COL19A1: variants seen among roughly 807,000 people sequenced by gnomAD.
COL19A1 encodes collagen type XIX alpha 1 chain, also known as collagen alpha-1(XIX) chain.
A neutral mutation model predicts 190.2 loss-of-function variants in COL19A1; 159 were observed. That is an observed-to-expected ratio of 0.84 (90% CI 0.73 to 0.95). The LOEUF (loss-of-function observed/expected upper bound fraction) is 0.95, where lower values mean the gene tolerates loss of function less well. Among genes scored for constraint, COL19A1 ranks in the 40% least tolerant of loss-of-function variants. COL19A1 has a pLI of 0.00. For synonymous variants in COL19A1, 509 were observed against 458.9 expected (o/e 1.11, Z -1.39); for missense variants, 1,418 against 1,431.9 (o/e 0.99, Z 0.16).
chr6:69,868,411 A>C (rs929460905), intron 1 of COL19A1, among the ~76,000 whole-genome samples: 11 of 152,094 alleles, frequency 7.2e-5, no homozygotes, highest in Admixed American at 2.6e-4. Context: ...TTGTGTAGGA[A>C]TATCTCTTCA....
chr6:70,211,830 A>G lies in COL19A1; in HGVS notation c.*4556A>G, dbSNP rs1768225276. Among the ~76,000 whole-genome samples the G allele has an allele frequency of 1.3e-5, 2 of 152,070 alleles. No individual in the cohort carries two copies. Among genetic ancestry groups the G allele is most frequent in the African/African-American group, 4.8e-5 (2 of 41,398 alleles). ...AACACAGAGAAAACTTATTCGGACA[A>G]GTAGACCCAGCACAGCAAAAATTTG... is the stretch of plus-strand genomic sequence containing the variant. On this transcript the variant is annotated 3_prime_UTR_variant, in exon 51 of 51. Coordinates refer to ENST00000620364, the MANE Select transcript of COL19A1 (RefSeq NM_001858.6).
chr6:69,967,985 T>G (rs771449695), intron 11 of COL19A1, among the ~76,000 whole-genome samples: 26 of 152,232 alleles, frequency 1.7e-4, no homozygotes, highest in Non-Finnish European at 3.1e-4. Context: ...TTATTTATAA[T>G]AAAGTCATGC....
intron 1 of COL19A1, among the ~76,000 whole-genome samples, chr6:69,871,867 T>G (rs940142771): frequency 4.9e-5 from 7 of 141,948 alleles, no homozygotes; most frequent in African/African-American, 1.9e-4. Context: ...CAGGCTGGAG[T>G]GCAGTGCTGT....
At chr6:69,951,700 A>G (rs1487133784) in intron 9 of COL19A1, among the ~76,000 whole-genome samples, 3 of 151,932 alleles carry the variant, frequency 2.0e-5, no homozygotes, top group Non-Finnish European at 1.5e-5. Flanking sequence ...GTTATATGCT[A>G]AATGCTATCA....
intron 44 of COL19A1, among the ~76,000 whole-genome samples, chr6:70,182,079 C>T (rs1766211666): frequency 6.6e-6 from 1 of 152,146 alleles, no homozygotes; most frequent in African/African-American, 2.4e-5. Context: ...GAGGATCACT[C>T]TGATATTGTG....
chr6:70,062,596 C>T (rs1780904857), intron 14 of COL19A1, among the ~76,000 whole-genome samples: 1 of 152,072 alleles, frequency 6.6e-6, no homozygotes, highest in Non-Finnish European at 1.5e-5. Context: ...AACCAGCTAA[C>T]ATCATAATGA....
At chr6:69,936,969 T>C in intron 8 of COL19A1, 59 bp downstream of exon 8, 1 of 1,583,858 alleles carries the variant, frequency 6.3e-7, no homozygotes, top group Non-Finnish European at 8.6e-7. Flanking sequence ...GCCCAGCTCC[T>C]TGAATGTGGC....
chr6:70,137,805 AC>A, intron 19 of COL19A1, 58 bp downstream of exon 19: 1 of 1,555,748 alleles, frequency 6.4e-7, no homozygotes. Context: ...GATTAAAAAT[AC>A]GTTTCCAAAT....
At chr6:70,091,719 A>G (rs1401378952) in intron 15 of COL19A1, among the ~76,000 whole-genome samples, 21 of 152,050 alleles carry the variant, frequency 1.4e-4, no homozygotes, top group Admixed American at 1.4e-3. Context: ...CTAGAGGTGA[A>G]CAGAGAAAAA....
intron 14 of COL19A1, among the ~76,000 whole-genome samples, chr6:70,051,498 T>C (rs1232031380): frequency 6.6e-6 from 1 of 152,006 alleles, no homozygotes; most frequent in Non-Finnish European, 1.5e-5. Context: ...ATTCAGTGGG[T>C]TTGCATCACA....
chr6:70,126,629 G>C (rs1785213574), intron 17 of COL19A1, among the ~76,000 whole-genome samples: 1 of 152,188 alleles, frequency 6.6e-6, no homozygotes, highest in African/African-American at 2.4e-5. Context: ...ATTTTCAAGT[G>C]AGCACAGCTT....
chr6:69,882,407 A>T (rs571230487), intron 2 of COL19A1, among the ~76,000 whole-genome samples: 31 of 152,340 alleles, frequency 2.0e-4, no homozygotes, highest in African/African-American at 7.2e-4. Context: ...TGTCAAAAGA[A>T]GGTGGGGAAG....
At chr6:69,867,271 T>A (rs1483546545) in intron 1 of COL19A1, 1 of 152,150 alleles carries the variant, frequency 6.6e-6, no homozygotes, top group Non-Finnish European at 1.5e-5. Flanking sequence ...GGGCGGGGAT[T>A]CCCGGACTCC....
intron 11 of COL19A1, among the ~76,000 whole-genome samples, chr6:70,000,023 C>T (rs1055202776): frequency 1.3e-5 from 2 of 152,118 alleles, no homozygotes; most frequent in African/African-American, 4.8e-5. Context: ...CACCCTCCAT[C>T]CCTCAACAGC....
chr6:69,940,053 A>G (rs1773373722), intron 9 of COL19A1, among the ~76,000 whole-genome samples: 1 of 151,036 alleles, frequency 6.6e-6, no homozygotes, highest in African/African-American at 2.4e-5. Context: ...TGTTGCTTTT[A>G]GGAAAAATAC....
chr6:69,887,980 C>G (rs1389095347), intron 2 of COL19A1, among the ~76,000 whole-genome samples: 1 of 152,176 alleles, frequency 6.6e-6, no homozygotes, highest in African/African-American at 2.4e-5. Flanking sequence ...TGTCTCATTC[C>G]TCCCTCTAAA....
intron 14 of COL19A1, among the ~76,000 whole-genome samples, chr6:70,047,934 TC>T (rs200319517): frequency 0.015 from 2,343 of 152,202 alleles, 23 homozygotes; most frequent in Non-Finnish European, 0.021. Flanking sequence ...ATGTAATATA[TC>T]CACTAATTTT....
chr6:69,867,382 C>G (rs6909232), intron 1 of COL19A1: 106,747 of 155,318 alleles, frequency 0.69, 36,679 homozygotes, highest in Middle Eastern at 0.75. Context: ...CGCAGTCCTC[C>G]CTGCAGCCAC....
At chr6:70,116,983 G>GC (rs1784615763) in intron 16 of COL19A1, among the ~76,000 whole-genome samples, 1 of 152,170 alleles carries the variant, frequency 6.6e-6, no homozygotes, top group African/African-American at 2.4e-5. Context: ...TGCATAAGTG[G>GC]CATCTGGATG....
Sources: allele counts gnomAD v4.1 joint callset (sites outside exome capture counted in the v4.1 genomes callset), GRCh38; gene constraint gnomAD v4.1.1; transcripts MANE v1.5; gene names NCBI Gene and HGNC (gene_info 2026-07-23, HGNC 2026-07-21).